The following RUSF1 variants were observed in gnomAD, a reference collection of about 807,000 sequenced individuals.
RUSF1 encodes RUS family member 1, also known as RUS1 family protein C16orf58.
RUSF1 carries 58 observed loss-of-function variants against 63.0 expected under a neutral mutation model. The observed-to-expected ratio is 0.92, with a 90% CI of 0.75 to 1.15. RUSF1 has a LOEUF of 1.15. Ranked by LOEUF, RUSF1 falls within the 50% of genes most tolerant of loss-of-function variation. The pLI is 0.00. For synonymous variants in RUSF1, 274 were observed against 255.8 expected (o/e 1.07, Z -0.68); for missense variants, 652 against 611.0 (o/e 1.07, Z -0.71).
intron 2 of RUSF1, among the ~76,000 whole-genome samples, chr16:31,507,099 C>T (rs1567400468): frequency 6.6e-6 from 1 of 152,202 alleles, no homozygotes; most frequent in Non-Finnish European, 1.5e-5. Flanking sequence ...ATTACTTTTG[C>T]ACCAGCCTAA....
chr16:31,491,960 C>T, intron 12 of RUSF1, 49 bp downstream of exon 12: 1 of 1,602,140 alleles, frequency 6.2e-7, no homozygotes. Context: ...GCGGGGCCCC[C>T]AGGGACAAGG....
At chr16:31,500,870 G>A in intron 2 of RUSF1, 139 bp from the exon 3 acceptor site, 1 of 834,914 alleles carries the variant, frequency 1.2e-6, no homozygotes, top group Non-Finnish European at 1.8e-6. Flanking sequence ...GTTGTGGATA[G>A]TCATAGCTAC....
intron 5 of RUSF1, among the ~76,000 whole-genome samples, chr16:31,498,107 G>A (rs1373021714): frequency 6.6e-6 from 1 of 152,178 alleles, no homozygotes; most frequent in East Asian, 1.9e-4. Context: ...GGAAGAGGAG[G>A]AGGTGGTGGC....
At position 31,493,869 on chromosome 16, in the gene RUSF1, G is replaced by A. The variant is rs200759466; in HGVS notation, c.770C>T (p.Pro257Leu). 50 of 1,614,212 alleles carry A rather than the reference G, an allele frequency of 3.1e-5. No individual in the cohort carries two copies. The African/African-American group carries it at 6.0e-4, about 19-fold the overall frequency. ...GCCCACCCTGCTTCCGGCTTACCCA[G>A]GGCAACCTGACACCAGAGGGAGCAT... The part of the protein sequence containing the change: ...LLMLPLVSGC[P>L]GFSLGCFFFL... Residue 257 changes from proline to leucine, a missense_variant, in exon 7 of 13, where the codon CCT becomes CTT. Coordinates refer to ENST00000327237, the MANE Select transcript of RUSF1 (RefSeq NM_022744.4).
chr16:31,504,021 G>A (rs2082645479), intron 2 of RUSF1, among the ~76,000 whole-genome samples: 1 of 151,850 alleles, frequency 6.6e-6, no homozygotes, highest in African/African-American at 2.4e-5. Context: ...GTCTCAGTCT[G>A]TCATCCAGGC....
At chr16:31,497,651 A>G (rs2082611330) in intron 5 of RUSF1, among the ~76,000 whole-genome samples, 1 of 152,144 alleles carries the variant, frequency 6.6e-6, no homozygotes, top group Admixed American at 6.5e-5. Context: ...GCTCTTTTAG[A>G]TGCCAGACAT....
chr16:31,505,344 G>A (rs1270543997), intron 2 of RUSF1, among the ~76,000 whole-genome samples: 1 of 152,022 alleles, frequency 6.6e-6, no homozygotes, highest in Non-Finnish European at 1.5e-5. Context: ...TCCCCTTGCC[G>A]AGATAGTGAA....
chr16:31,507,232 T>C (rs1444085276), intron 2 of RUSF1, among the ~76,000 whole-genome samples: 1 of 152,238 alleles, frequency 6.6e-6, no homozygotes, highest in Non-Finnish European at 1.5e-5. Context: ...GGTGGCATGG[T>C]ACCAAACTGT....
At position 31,490,176 on chromosome 16, in the gene RUSF1, G is replaced by A; in HGVS notation, c.*659C>T. ...GGACCTGGATGCTGATGAGCAGCAAGGCTCCTCACTCCCTGTACAGAATGG... is the reference window on the plus strand; with the variant it reads ...GGACCTGGATGCTGATGAGCAGCAAAGCTCCTCACTCCCTGTACAGAATGG... On this transcript the variant is annotated 3_prime_UTR_variant, in exon 13 of 13. Transcript: ENST00000327237. 1 of 1,614,084 alleles carries A rather than the reference G, an allele frequency of 6.2e-7. No homozygotes were observed. The highest frequency in any genetic ancestry group is 8.5e-7 in the Non-Finnish European group (1 of 1,179,948).
In RUSF1 at chr16:31,493,495, C is replaced by T; in HGVS notation, c.988G>A (p.Gly330Arg). 6.2e-7 allele frequency: 1 copy of T among 1,611,882 alleles called. No homozygotes were observed. Among genetic ancestry groups the T allele is most frequent in the Non-Finnish European group, 8.5e-7 (1 of 1,178,994 alleles). The stretch of plus-strand genomic sequence containing the variant: ...GAGACCAAGCGGTGTAAGGGGACCC[C>T]CAGGGATAGAGACGGAGCTGGCCAG... ...GFWPAPSLSL[G>R]VPLHRLVSSV... The change falls in exon 9 of 13, where the codon GGG (glycine) becomes AGG (arginine). Residue 330 changes from glycine to arginine, a missense_variant. Coordinates refer to ENST00000327237, the MANE Select transcript of RUSF1 (RefSeq NM_022744.4).
At chr16:31,493,238 C>A in intron 9 of RUSF1, 190 bp from the exon 10 acceptor site, 1 of 858,488 alleles carries the variant, frequency 1.2e-6, no homozygotes. Context: ...AGTCATCCAA[C>A]TTCCCCATCT....
In RUSF1 at chr16:31,490,647, C is replaced by A; in HGVS notation, c.*188G>T. 8.9e-7 allele frequency: 1 copy of A among 1,121,670 alleles called. No homozygotes were observed. The highest frequency in any genetic ancestry group is 1.3e-6 in the Non-Finnish European group (1 of 759,430). 69.5% of individuals were successfully genotyped at this position (1,121,670 alleles called of 1,614,324 possible). ...GCAGTGGGGTGAGAAGGTCCTGGCT[C>A]CCCTTCTCCCGGCCTTCCTCTGCCT... is the stretch of plus-strand genomic sequence containing the variant. On this transcript the variant is annotated 3_prime_UTR_variant, in exon 13 of 13. Transcript: ENST00000327237.
rs2082628389 is a variant in RUSF1, at chr16:31,500,675, GACA to G, written c.461+8_461+10del. The G allele has an allele frequency of 6.2e-7, 1 of 1,612,114 alleles. No homozygotes were observed. The highest frequency in any genetic ancestry group is 1.7e-5 in the Admixed American group (1 of 59,720). On this transcript the variant is annotated splice_region_variant and intron_variant, in intron 3 of 12. Coordinates refer to ENST00000327237, the MANE Select transcript of RUSF1 (RefSeq NM_022744.4). ...AGTTGCCAGAGTTGCTGGCCGGGAA[GACA>G]AACTCACCCTTTCCACCAGGCAAAG...
intron 2 of RUSF1, 52 bp downstream of exon 2, chr16:31,507,712 C>T (rs370265620): frequency 7.9e-6 from 12 of 1,516,262 alleles, no homozygotes; most frequent in Non-Finnish European, 1.1e-5. Flanking sequence ...AAGAGCCCAG[C>T]GAAAGCAGGG....
Position 31,507,847 on chromosome 16 carries a change from G to C in RUSF1, c.332C>G (p.Ala111Gly). Residue 111 changes from alanine (A) to glycine (G), a missense_variant, in exon 2 of 13, where the codon GCC (alanine) becomes GGC (glycine). Transcript: ENST00000327237. ...AFASSLSGSL[A>G]TQAVLLGIGV... ...TATGCCCAGCAAGACTGCCTGGGTG[G>C]CTAGGGAGCCGGAGAGGCTGGAAGC... 1 of 1,572,426 alleles carries C rather than the reference G, an allele frequency of 6.4e-7. No homozygotes were observed. Among genetic ancestry groups the C allele is most frequent in the Non-Finnish European group, 8.6e-7 (1 of 1,158,268 alleles).
At chr16:31,498,456 TG>T (rs2082615520) in intron 5 of RUSF1, among the ~76,000 whole-genome samples, 1 of 152,190 alleles carries the variant, frequency 6.6e-6, no homozygotes, top group African/African-American at 2.4e-5. Context: ...CTAGTACTTA[TG>T]GAGAAACACG....
chr16:31,492,259 GC>G lies in RUSF1; in HGVS notation c.1168del (p.Ala390ProfsTer15), dbSNP rs944179005. On this transcript the variant is annotated frameshift_variant, in exon 11 of 13. Transcript: ENST00000327237. LOFTEE classifies it high-confidence loss of function. Reference sequence around the variant, plus strand: ...TGGAAGGGGTCCATCTCCCTGCAGGGCCCCAAGCATCAGCCCATGTGTGGCG... The same window carrying G: ...TGGAAGGGGTCCATCTCCCTGCAGGGCCCAAGCATCAGCCCATGTGTGGCG... ...RAATHGLMLG[A>X]LQGDGPLPAE... 1.2e-6 allele frequency: 2 copies of G among 1,613,060 alleles called. No homozygotes were observed. Among genetic ancestry groups the G allele is most frequent in the African/African-American group, 2.7e-5 (2 of 74,898 alleles).
In RUSF1 at chr16:31,490,257, C is replaced by T. The variant is rs1342436819; in HGVS notation, c.*578G>A. The T allele has an allele frequency of 1.9e-6, 3 of 1,613,844 alleles. No homozygotes were observed. Among genetic ancestry groups the T allele is most frequent in the Non-Finnish European group, 2.5e-6 (3 of 1,179,954 alleles). On this transcript the variant is annotated 3_prime_UTR_variant, in exon 13 of 13. Coordinates refer to ENST00000327237, the MANE Select transcript of RUSF1 (RefSeq NM_022744.4). ...TAGGGCACCATGCTGGGAGGTGGGG[C>T]TGGAGGAGCTGAGTTCCCGCAAACT...
chr16:31,501,727 T>C (rs1380601333), intron 2 of RUSF1, among the ~76,000 whole-genome samples: 5 of 152,182 alleles, frequency 3.3e-5, no homozygotes, highest in Non-Finnish European at 7.3e-5. Context: ...AAATGCTTTC[T>C]GGCTACCTAA....
Sources: gnomAD v4.1 joint callset for allele counts (sites outside exome capture counted in the v4.1 genomes callset) on GRCh38, gnomAD v4.1.1 for gene constraint, MANE v1.5 for transcripts, NCBI Gene and HGNC (gene_info 2026-07-23, HGNC 2026-07-21) for gene names.